Variants in SLC1A6 observed in about 807,000 individuals in gnomAD.
The protein encoded by SLC1A6 is excitatory amino acid transporter 4.
In SLC1A6, 15 loss-of-function variants were observed where a neutral mutation model predicts 42.1. The observed-to-expected ratio is 0.36, with a 90% CI of 0.24 to 0.55. The LOEUF (loss-of-function observed/expected upper bound fraction) is 0.55, where lower values mean the gene tolerates loss of function less well. Among genes scored for constraint, SLC1A6 ranks in the 20% least tolerant of loss-of-function variants. The probability of loss-of-function intolerance (pLI) is 0.88; values close to 1 mark genes in which losing one functional copy is unlikely to be tolerated. For missense variants in SLC1A6, 542 were observed against 772.5 expected, an observed-to-expected ratio of 0.70 and a Z score of 3.54; for synonymous variants, 317 against 319.7, an observed-to-expected ratio of 0.99 and a Z score of 0.09.
intron 6 of SLC1A6, among the ~76,000 whole-genome samples, chr19:14,957,323 G>GTTATGGACTAAATGT (rs1380658315): frequency 6.6e-6 from 1 of 152,066 alleles, no homozygotes. Context: ...CTTACATTCT[G>GTTATGGACTAAATGT]TTATGGACTA....
chr19:15,005,032 G>A (rs573744281), intron 1 of SLC1A6, among the ~76,000 whole-genome samples: 1 of 152,246 alleles, frequency 6.6e-6, no homozygotes, highest in African/African-American at 2.4e-5. Flanking sequence ...GCCAAGGCGG[G>A]AGGATTGTTT....
chr19:14,964,496 C>A, intron 4 of SLC1A6, 135 bp from the exon 5 acceptor site: 1 of 741,516 alleles, frequency 1.3e-6, no homozygotes. Context: ...GGGCACTGAG[C>A]AAGCATCTTA....
intron 3 of SLC1A6, 85 bp downstream of exon 3, chr19:14,971,652 C>T (rs917364982): frequency 1.5e-5 from 21 of 1,366,340 alleles, no homozygotes; most frequent in Non-Finnish European, 1.7e-5. Context: ...GGAAGTGGTC[C>T]CATGCTTGGG....
intron 1 of SLC1A6, among the ~76,000 whole-genome samples, chr19:14,990,517 C>T (rs62113335): frequency 0.15 from 23,154 of 152,118 alleles, 2,243 homozygotes; most frequent in African/African-American, 0.27. Flanking sequence ...TGCCTGTAGT[C>T]CCAGCACTTT....
At chr19:14,971,063 G>A (rs1283892319) in intron 3 of SLC1A6, among the ~76,000 whole-genome samples, 1 of 152,102 alleles carries the variant, frequency 6.6e-6, no homozygotes, top group Non-Finnish European at 1.5e-5. Context: ...CTGGGAGGTG[G>A]AGATTGCAGT....
intron 1 of SLC1A6, among the ~76,000 whole-genome samples, chr19:14,990,781 CAAAACAAA>C (rs1358657365): frequency 2.4e-5 from 1 of 41,212 alleles, no homozygotes; most frequent in African/African-American, 1.3e-4. Flanking sequence ...AAAAACAAAA[CAAAACAAA>C]AAAAAAAAAA....
Position 14,966,287 on chromosome 19 carries a change from T to C in SLC1A6, c.549-1926A>G, listed in dbSNP as rs1480628732. Among the ~76,000 whole-genome samples, 11 of 152,158 alleles carry C rather than the reference T, an allele frequency of 7.2e-5. No homozygotes were observed. In the East Asian group the frequency reaches 2.1e-3, roughly 29 times the overall value. On this transcript the variant is annotated intron_variant, in intron 4 of 9. Transcript: ENST00000594383. ...CAGGTAGATTACTTGAGGTCAGCAG[T>C]TCAAGACCAGCCTGGCCAACACGGT...
At chr19:14,964,775 G>C (rs377105475) in intron 4 of SLC1A6, among the ~76,000 whole-genome samples, 3 of 152,010 alleles carry the variant, frequency 2.0e-5, no homozygotes, top group African/African-American at 4.8e-5. Context: ...TTAACTTTAG[G>C]TTTCGTCTAG....
At chr19:14,974,215 G>A (rs1362423987) in intron 1 of SLC1A6, 1 of 152,006 alleles carries the variant, frequency 6.6e-6, no homozygotes, top group Non-Finnish European at 1.5e-5. Flanking sequence ...AAATTACCCA[G>A]GCGTGGTGGC....
chr19:14,968,176 T>TAC, intron 4 of SLC1A6, 127 bp downstream of exon 4: 1 of 759,644 alleles, frequency 1.3e-6, no homozygotes, highest in Non-Finnish European at 2.1e-6. Flanking sequence ...GAAGTGCCCG[T>TAC]CTCTGCTCTT....
At chr19:15,004,128 C>T (rs1001594218) in intron 1 of SLC1A6, among the ~76,000 whole-genome samples, 2 of 151,916 alleles carry the variant, frequency 1.3e-5, no homozygotes, top group Non-Finnish European at 2.9e-5. Flanking sequence ...TGCACTCCAG[C>T]GTGAGCAACA....
chr19:14,951,983 T>G (rs1171372781), intron 9 of SLC1A6, among the ~76,000 whole-genome samples: 1 of 94,736 alleles, frequency 1.1e-5, no homozygotes, highest in Non-Finnish European at 2.4e-5. Context: ...CAGCTAATTT[T>G]TGTATTTTTT....
rs1050021402 is a variant in SLC1A6, at chr19:14,970,580, G to A, written c.343+1157C>T. On this transcript the variant is annotated intron_variant, in intron 3 of 9. Transcript: ENST00000594383. ...CAAAAAATTAGCCGGGCATGGTGGC[G>A]GGTGCCTGTAGTTCCAGCTACTCAG... Among the ~76,000 whole-genome samples the A allele has an allele frequency of 2.6e-5, 4 of 151,666 alleles. No homozygotes were observed. In the East Asian group the frequency reaches 5.8e-4, roughly 22 times the overall value.
At chr19:15,004,242 TA>T (rs34685186) in intron 1 of SLC1A6, among the ~76,000 whole-genome samples, 14,734 of 152,188 alleles carry the variant, frequency 0.097, 875 homozygotes, top group East Asian at 0.2. Flanking sequence ...TGGCCTGAGT[TA>T]GAAGTATTTG....
intron 1 of SLC1A6, among the ~76,000 whole-genome samples, chr19:15,005,272 A>C (rs1311548278): frequency 4.0e-5 from 6 of 151,872 alleles, no homozygotes; most frequent in Admixed American, 3.9e-4. Flanking sequence ...AAAAAAAAAA[A>C]AAAAAGCAGG....
upstream of SLC1A6, among the ~76,000 whole-genome samples, chr19:14,981,410 A>G (rs1052775270): frequency 3.9e-5 from 6 of 152,194 alleles, no homozygotes; most frequent in African/African-American, 1.2e-4. Flanking sequence ...ATGCTCCCCA[A>G]TGTATGGCTA....
chr19:14,956,352 T>C, intron 7 of SLC1A6, 124 bp downstream of exon 7: 1 of 614,184 alleles, frequency 1.6e-6, no homozygotes, highest in Admixed American at 3.2e-5. Context: ...TTATGAGCCC[T>C]GGACATTGTT....
At chr19:15,002,975 G>T (rs1023871640) in intron 1 of SLC1A6, among the ~76,000 whole-genome samples, 2 of 151,942 alleles carry the variant, frequency 1.3e-5, no homozygotes, top group Admixed American at 6.6e-5. Context: ...TGTTGTTGTT[G>T]TTGTTGTTGT....
chr19:14,993,813 G>A (rs2045832311), intron 1 of SLC1A6, among the ~76,000 whole-genome samples: 1 of 152,208 alleles, frequency 6.6e-6, no homozygotes, highest in African/African-American at 2.4e-5. Flanking sequence ...CAGACAGGAT[G>A]GTTGGGTGCA....
Sources: allele counts gnomAD v4.1 joint callset (sites outside exome capture counted in the v4.1 genomes callset), GRCh38; gene constraint gnomAD v4.1.1; transcripts MANE v1.5; gene names NCBI Gene and HGNC (gene_info 2026-07-23, HGNC 2026-07-21).